The following TMEM135 variants were observed in gnomAD, a reference collection of about 807,000 sequenced individuals.
TMEM135 encodes transmembrane protein 135, also known as peroxisomal membrane protein 52.
Under a neutral mutation model 60.3 loss-of-function variants are expected in TMEM135, and 30 were observed. The observed-to-expected ratio is 0.50, with a 90% CI of 0.37 to 0.68. The LOEUF (loss-of-function observed/expected upper bound fraction) is 0.68. Ranked by LOEUF, TMEM135 falls within the 30% of genes least tolerant of loss-of-function variation. TMEM135 has a pLI of 0.00. For missense variants in TMEM135, 468 were observed against 548.8 expected (o/e 0.85, Z 1.47); for synonymous variants, 190 against 186.7 (o/e 1.02, Z -0.14).
In TMEM135 at chr11:87,323,869, A is replaced by G. The variant is rs1290079453; in HGVS notation, c.*2536A>G. 1 of 452,080 alleles carries G rather than the reference A, an allele frequency of 2.2e-6. No individual in the cohort carries two copies. Among genetic ancestry groups the G allele is most frequent in the South Asian group, 1.6e-5 (1 of 63,554 alleles). The allele number at this position is 452,080 out of a possible 1,614,324, so 28.0% of individuals were successfully genotyped here. A position where few individuals can be genotyped will look rare whatever the true frequency, so the allele number is the denominator to read the frequency against. ...ACCTTTGGTTTAGTTTTATTTTCCCATAAATTCTGCTTTTGCTTCTGTAAC... is the reference window on the plus strand; with the variant it reads ...ACCTTTGGTTTAGTTTTATTTTCCCGTAAATTCTGCTTTTGCTTCTGTAAC... On this transcript the variant is annotated 3_prime_UTR_variant, in exon 15 of 15. Coordinates refer to ENST00000305494, the MANE Select transcript of TMEM135 (RefSeq NM_022918.4).
At chr11:87,309,714 A>G in intron 10 of TMEM135, 42 bp downstream of exon 10, 1 of 1,596,212 alleles carries the variant, frequency 6.3e-7, no homozygotes, top group Non-Finnish European at 8.6e-7. Context: ...GAAATAAATA[A>G]CATTGCTATT....
chr11:87,058,781 G>A (rs1387771032), intron 1 of TMEM135, among the ~76,000 whole-genome samples: 3 of 151,182 alleles, frequency 2.0e-5, no homozygotes, highest in Non-Finnish European at 2.9e-5. Context: ...CACCATGCCC[G>A]GCTAATTTTT....
intron 1 of TMEM135, among the ~76,000 whole-genome samples, chr11:87,059,733 G>A (rs1037144492): frequency 9.2e-5 from 14 of 152,212 alleles, no homozygotes; most frequent in Non-Finnish European, 1.5e-5. Flanking sequence ...CAGAGTGAAG[G>A]AAACTAGCAT....
At chr11:87,317,814 A>C (rs1319441214) in intron 12 of TMEM135, among the ~76,000 whole-genome samples, 1 of 152,138 alleles carries the variant, frequency 6.6e-6, no homozygotes, top group African/African-American at 2.4e-5. Flanking sequence ...TAAATTAATA[A>C]AGGATGAACA....
intron 5 of TMEM135, among the ~76,000 whole-genome samples, chr11:87,163,555 T>A (rs1373115180): frequency 1.3e-5 from 2 of 152,122 alleles, no homozygotes; most frequent in Admixed American, 6.5e-5. Flanking sequence ...ATGTACCCAG[T>A]AATGGGATGG....
In TMEM135 at chr11:87,321,747, C is replaced by T. The variant is rs1395849482; in HGVS notation, c.*414C>T. The T allele has an allele frequency of 1.3e-5, 6 of 455,484 alleles. No homozygotes were observed. The highest frequency in any genetic ancestry group is 4.0e-5 in the African/African-American group (2 of 50,018). 28.2% of individuals were successfully genotyped at this position (455,484 alleles called of 1,614,324 possible). A position where few individuals can be genotyped will look rare whatever the true frequency, so the allele number is the denominator to read the frequency against. On this transcript the variant is annotated 3_prime_UTR_variant, in exon 15 of 15. Transcript: ENST00000305494. ...ACATTTTAGGATTTACAAAGGATCA[C>T]GGGTACATGGATTTGGTCTATATAT...
intron 1 of TMEM135, among the ~76,000 whole-genome samples, chr11:87,043,890 G>T (rs1442610735): frequency 6.6e-6 from 1 of 152,072 alleles, no homozygotes; most frequent in East Asian, 1.9e-4. Context: ...CCCTAAGAAG[G>T]AAAACTTGTT....
intron 6 of TMEM135, among the ~76,000 whole-genome samples, chr11:87,237,241 A>G (rs1941018045): frequency 6.6e-6 from 1 of 152,012 alleles, no homozygotes; most frequent in African/African-American, 2.4e-5. Flanking sequence ...AAATGCCAGT[A>G]AGAGGGATTT....
intron 4 of TMEM135, among the ~76,000 whole-genome samples, chr11:87,153,246 A>G (rs1938605123): frequency 6.6e-6 from 1 of 152,092 alleles, no homozygotes; most frequent in Non-Finnish European, 1.5e-5. Flanking sequence ...GCCATCATGC[A>G]CTCTCAACCA....
chr11:87,089,736 A>C (rs557038791), intron 3 of TMEM135, among the ~76,000 whole-genome samples: 4 of 152,172 alleles, frequency 2.6e-5, no homozygotes, highest in Admixed American at 2.6e-4. Context: ...TGTTAATGTT[A>C]CCCTAATTTT....
At chr11:87,209,298 A>C (rs1460034271) in intron 5 of TMEM135, among the ~76,000 whole-genome samples, 1 of 152,218 alleles carries the variant, frequency 6.6e-6, no homozygotes. Context: ...TACTTTCTTC[A>C]AGAGACCCAT....
At chr11:87,210,570 A>G (rs1415209583) in intron 5 of TMEM135, among the ~76,000 whole-genome samples, 2 of 152,146 alleles carry the variant, frequency 1.3e-5, no homozygotes, top group Non-Finnish European at 2.9e-5. Context: ...ACTCACAGGT[A>G]AATTCTATTA....
intron 5 of TMEM135, among the ~76,000 whole-genome samples, chr11:87,230,846 A>T (rs1376358484): frequency 6.6e-6 from 1 of 151,886 alleles, no homozygotes; most frequent in Non-Finnish European, 1.5e-5. Context: ...AAATTTTAAT[A>T]TTATTTAATT....
rs1342665092 is a variant in TMEM135, at chr11:87,321,593, A to G, written c.*260A>G. On this transcript the variant is annotated 3_prime_UTR_variant, in exon 15 of 15. Transcript: ENST00000305494. ...GACATTATATATTATTGATCAAATTATGTCCACAAGCAATATTATATAATC... is the reference window on the plus strand; with the variant it reads ...GACATTATATATTATTGATCAAATTGTGTCCACAAGCAATATTATATAATC... 3.3e-6 allele frequency: 2 copies of G among 610,684 alleles called. No homozygotes were observed. Among genetic ancestry groups the G allele is most frequent in the Admixed American group, 4.2e-5 (2 of 47,472 alleles). The allele number at this position is 610,684 out of a possible 1,614,324, so 37.8% of individuals were successfully genotyped here.
intron 2 of TMEM135, among the ~76,000 whole-genome samples, chr11:87,069,805 CA>C (rs779169126): frequency 6.6e-6 from 1 of 151,976 alleles, no homozygotes; most frequent in Non-Finnish European, 1.5e-5. Flanking sequence ...TTCTGATGTC[CA>C]TGTCAAAAAA....
intron 5 of TMEM135, among the ~76,000 whole-genome samples, chr11:87,191,823 T>C (rs1331226403): frequency 6.6e-6 from 1 of 152,122 alleles, no homozygotes; most frequent in African/African-American, 2.4e-5. Flanking sequence ...TTAGAAGTTT[T>C]CCTTATTATC....
At chr11:87,153,822 G>A (rs1445746483) in intron 4 of TMEM135, among the ~76,000 whole-genome samples, 3 of 151,966 alleles carry the variant, frequency 2.0e-5, no homozygotes, top group Admixed American at 6.6e-5. Flanking sequence ...TTTTCTTTCT[G>A]TATATTACAG....
intron 3 of TMEM135, among the ~76,000 whole-genome samples, chr11:87,082,194 ACTCTTTAAAT>A (rs1232056294): frequency 2.0e-5 from 3 of 151,996 alleles, no homozygotes; most frequent in Admixed American, 2.0e-4. Context: ...AAACTTTAAA[ACTCTTTAAAT>A]CTCTTGACAA....
In TMEM135 at chr11:87,326,796, G is replaced by A. The variant is rs1433338367; in HGVS notation, c.*5463G>A. Reference sequence around the variant, plus strand: ...ATTCAGTTGCATCTGAATCTGAGTCGGCAGTTTTTGATAGCCTGTCACTGC... The same window carrying A: ...ATTCAGTTGCATCTGAATCTGAGTCAGCAGTTTTTGATAGCCTGTCACTGC... On this transcript the variant is annotated 3_prime_UTR_variant, in exon 15 of 15. Coordinates refer to ENST00000305494, the MANE Select transcript of TMEM135 (RefSeq NM_022918.4). 9 of 445,772 alleles carry A rather than the reference G, an allele frequency of 2.0e-5. No homozygotes were observed. The highest frequency in any genetic ancestry group is 8.1e-5 in the South Asian group (5 of 62,058). 27.6% of individuals were successfully genotyped at this position (445,772 alleles called of 1,614,324 possible).
Sources: allele counts gnomAD v4.1 joint callset (sites outside exome capture counted in the v4.1 genomes callset), GRCh38; gene constraint gnomAD v4.1.1; transcripts MANE v1.5; gene names NCBI Gene and HGNC (gene_info 2026-07-23, HGNC 2026-07-21).